The following ZRANB3 variants were observed in gnomAD, a reference collection of about 807,000 sequenced individuals.
ZRANB3 encodes the protein DNA annealing helicase and endonuclease ZRANB3.
In ZRANB3, 125 loss-of-function variants were observed where a neutral mutation model predicts 133.8. That is an observed-to-expected ratio of 0.93 (90% CI 0.81 to 1.08). The LOEUF (loss-of-function observed/expected upper bound fraction) is 1.08. Among genes scored for constraint, ZRANB3 ranks in the 50% least tolerant of loss-of-function variants. ZRANB3 has a pLI of 0.00. For missense variants in ZRANB3, 1,229 were observed against 1,275.5 expected, an observed-to-expected ratio of 0.96 and a Z score of 0.56; for synonymous variants, 387 against 432.7, an observed-to-expected ratio of 0.89 and a Z score of 1.31.
chr2:135,204,465 G>C (rs1693767826), intron 19 of ZRANB3, among the ~76,000 whole-genome samples: 1 of 151,402 alleles, frequency 6.6e-6, no homozygotes, highest in African/African-American at 2.4e-5. Context: ...CAAATCACTT[G>C]AGGCCACTCT....
chr2:135,524,963 A>G (rs557320434), intron 1 of ZRANB3, among the ~76,000 whole-genome samples: 1 of 152,156 alleles, frequency 6.6e-6, no homozygotes, highest in Admixed American at 6.5e-5. Flanking sequence ...TTTTTTTACT[A>G]ATCTGGGGTG....
At chr2:135,523,647 T>G (rs1243164958) in intron 1 of ZRANB3, among the ~76,000 whole-genome samples, 1 of 152,254 alleles carries the variant, frequency 6.6e-6, no homozygotes, top group Non-Finnish European at 1.5e-5. Flanking sequence ...GTAGGTATTC[T>G]CATTATCTCA....
At chr2:135,239,982 C>CAA (rs148300644) in intron 12 of ZRANB3, among the ~76,000 whole-genome samples, 1 of 110,952 alleles carries the variant, frequency 9.0e-6, no homozygotes, top group African/African-American at 3.4e-5. Flanking sequence ...GACTCCATGT[C>CAA]AAAAAAAAAA....
At chr2:135,517,519 C>T (rs192045505) in intron 1 of ZRANB3, among the ~76,000 whole-genome samples, 51 of 152,308 alleles carry the variant, frequency 3.3e-4, no homozygotes, top group African/African-American at 1.2e-3. Flanking sequence ...TTCCTTCTAA[C>T]AGTCAGGCCC....
rs769837942 is a variant in ZRANB3 at position 135,207,418 on chromosome 2, C to G, written c.3009+16G>C. ...GTACAATGCTGCCTTCTATCTATCA[C>G]ATGATTATAACTTACCTGTTCTAAT... On this transcript the variant is annotated intron_variant, in intron 19 of 20. Coordinates refer to ENST00000264159, the MANE Select transcript of ZRANB3 (RefSeq NM_032143.4). The G allele has an allele frequency of 6.3e-7, 1 of 1,581,734 alleles. No homozygotes were observed. The highest frequency in any genetic ancestry group is 1.4e-5 in the African/African-American group (1 of 73,776).
intron 13 of ZRANB3, 129 bp from the exon 14 acceptor site, chr2:135,228,144 A>T (rs1694831911): frequency 1.3e-6 from 1 of 791,802 alleles, no homozygotes; most frequent in Non-Finnish European, 1.9e-6. Flanking sequence ...AACATTTATC[A>T]GGAGCATACT....
chr2:135,326,311 C>A (rs1683821047), intron 6 of ZRANB3, among the ~76,000 whole-genome samples: 1 of 152,018 alleles, frequency 6.6e-6, no homozygotes, highest in Non-Finnish European at 1.5e-5. Context: ...TGAATAAGTT[C>A]TTTAGTGGTG....
At chr2:135,329,930 C>T (rs1319735908) in intron 6 of ZRANB3, among the ~76,000 whole-genome samples, 2 of 152,172 alleles carry the variant, frequency 1.3e-5, no homozygotes, top group Non-Finnish European at 2.9e-5. Context: ...GCTGAAGTTG[C>T]TTATCAGCTT....
At chr2:135,384,945 G>A (rs1686894744) in intron 3 of ZRANB3, among the ~76,000 whole-genome samples, 1 of 152,172 alleles carries the variant, frequency 6.6e-6, no homozygotes, top group African/African-American at 2.4e-5. Context: ...AGACACGGAT[G>A]CACTTTCTCA....
At chr2:135,466,633 A>G (rs141457057) in intron 2 of ZRANB3, among the ~76,000 whole-genome samples, 1,557 of 151,718 alleles carry the variant, frequency 0.01, 24 homozygotes, top group African/African-American at 0.036. Context: ...ATGATCCATA[A>G]TAGTATATAA....
intron 1 of ZRANB3, among the ~76,000 whole-genome samples, chr2:135,506,383 T>C (rs1388771579): frequency 6.6e-6 from 1 of 151,564 alleles, no homozygotes; most frequent in African/African-American, 2.4e-5. Flanking sequence ...GAGCAAAACT[T>C]CATCTCAAAA....
At chr2:135,386,036 A>G (rs1035858735) in intron 3 of ZRANB3, among the ~76,000 whole-genome samples, 1 of 152,194 alleles carries the variant, frequency 6.6e-6, no homozygotes, top group Non-Finnish European at 1.5e-5. Context: ...AAAAGAAACT[A>G]CCATCAGAGT....
intron 7 of ZRANB3, 95 bp downstream of exon 7, chr2:135,315,264 C>A: frequency 8.3e-7 from 1 of 1,203,000 alleles, no homozygotes; most frequent in Non-Finnish European, 1.1e-6. Context: ...AGAAAGCAAA[C>A]CTTTCCTTCT....
chr2:135,412,579 T>TA (rs1247222138), intron 2 of ZRANB3, among the ~76,000 whole-genome samples: 1 of 152,146 alleles, frequency 6.6e-6, no homozygotes, highest in African/African-American at 2.4e-5. Flanking sequence ...CCTGCAGGCA[T>TA]AATCAAGTTT....
intron 3 of ZRANB3, among the ~76,000 whole-genome samples, chr2:135,368,616 T>C (rs1194380717): frequency 2.6e-5 from 4 of 152,038 alleles, no homozygotes; most frequent in Admixed American, 2.6e-4. Context: ...TAATTGTACA[T>C]TTGAAAATAA....
intron 2 of ZRANB3, among the ~76,000 whole-genome samples, chr2:135,393,548 G>T (rs1437743535): frequency 1.1e-4 from 16 of 152,034 alleles, no homozygotes; most frequent in Admixed American, 9.8e-4. Context: ...AAGAGAAAAA[G>T]CACCAGATGG....
Position 135,332,957 on chromosome 2 carries a change from T to C in ZRANB3, c.677+12593A>G, listed in dbSNP as rs148374974. Among the ~76,000 whole-genome samples the C allele has an allele frequency of 2.0e-3, 299 of 152,318 alleles. 5 individuals are homozygous for C. In the East Asian group the frequency reaches 0.05, roughly 25 times the overall value. On this transcript the variant is annotated intron_variant, in intron 6 of 20. Transcript: ENST00000264159. ...CATAAGCTGTTGAAAAAATCCAATC[T>C]TGAATGGATCCAACCTCAGGATCAA...
chr2:135,511,966 G>A (rs1240562046), intron 1 of ZRANB3: 4 of 724,044 alleles, frequency 5.5e-6, no homozygotes, highest in Non-Finnish European at 1.0e-5. Flanking sequence ...TTCAAACTGA[G>A]GGGAAAAAGT....
intron 6 of ZRANB3, chr2:135,345,029 C>T (rs1573947676): frequency 6.6e-6 from 1 of 152,196 alleles, no homozygotes; most frequent in African/African-American, 2.4e-5. Flanking sequence ...TTAGTTTTTA[C>T]TTTTGTATAA....
Sources: allele counts gnomAD v4.1 joint callset (sites outside exome capture counted in the v4.1 genomes callset), GRCh38; gene constraint gnomAD v4.1.1; transcripts MANE v1.5; gene names NCBI Gene and HGNC (gene_info 2026-07-23, HGNC 2026-07-21).